Variants in EIF3M observed in about 807,000 individuals in gnomAD.
EIF3M encodes eukaryotic translation initiation factor 3 subunit M.
A neutral mutation model predicts 49.7 loss-of-function variants in EIF3M; 25 were observed. The observed-to-expected ratio is 0.50, with a 90% CI of 0.37 to 0.70. The LOEUF is 0.70. Among genes scored for constraint, EIF3M ranks in the 30% least tolerant of loss-of-function variants. The probability of loss-of-function intolerance (pLI) is 0.00; values close to 1 mark genes in which losing one functional copy is unlikely to be tolerated. For synonymous variants in EIF3M, 156 were observed against 149.8 expected, an observed-to-expected ratio of 1.04 and a Z score of -0.30; for missense variants, 350 against 440.0, an observed-to-expected ratio of 0.80 and a Z score of 1.83.
At chr11:32,600,922 T>C in intron 9 of EIF3M, 90 bp downstream of exon 9, 1 of 1,472,764 alleles carries the variant, frequency 6.8e-7, no homozygotes, top group South Asian at 1.5e-5. Context: ...AACTGAGCCT[T>C]ACACAACAAA....
intron 9 of EIF3M, chr11:32,601,244 T>TC (rs1396753893): frequency 6.4e-6 from 1 of 155,696 alleles, no homozygotes; most frequent in African/African-American, 2.4e-5. Flanking sequence ...CCATTACCAG[T>TC]TTTTTTATGA....
At chr11:32,588,801 GCA>G in intron 3 of EIF3M, 69 bp downstream of exon 3, 1 of 1,597,460 alleles carries the variant, frequency 6.3e-7, no homozygotes, top group Non-Finnish European at 8.5e-7. Context: ...TTTTAATGGT[GCA>G]GAGCAGGAAT....
chr11:32,592,308 A>C, intron 5 of EIF3M: 1 of 530,820 alleles, frequency 1.9e-6, no homozygotes, highest in Non-Finnish European at 3.6e-6. Context: ...CAATTTTATC[A>C]TGATCATCAA....
At chr11:32,588,484 G>T in intron 2 of EIF3M, 110 bp from the exon 3 acceptor site, 1 of 1,256,130 alleles carries the variant, frequency 8.0e-7, no homozygotes, top group South Asian at 2.1e-5. Context: ...ATGCGAAAGT[G>T]TCTTACATTT....
chr11:32,600,561 A>T, intron 8 of EIF3M, 128 bp from the exon 9 acceptor site: 1 of 1,141,778 alleles, frequency 8.8e-7, no homozygotes, highest in Non-Finnish European at 1.2e-6. Flanking sequence ...TGTTCTATAT[A>T]AGTGCTCAAA....
intron 4 of EIF3M, 92 bp downstream of exon 4, chr11:32,589,227 A>G: frequency 1.3e-6 from 2 of 1,540,000 alleles, no homozygotes; most frequent in Non-Finnish European, 1.7e-6. Flanking sequence ...CCCAGGCTGG[A>G]GTGCAATGGC....
Position 32,601,813 on chromosome 11 carries a change from T to TA in EIF3M, c.996dup (p.Val333SerfsTer5). ...AAAATTGATCAGACCCAGAGAAAAG[T>TA]AGTTGTCAGGTAAGATATTTAATGC... is the stretch of plus-strand genomic sequence containing the variant. On this transcript the variant is annotated frameshift_variant, in exon 10 of 11. Coordinates refer to ENST00000531120, the MANE Select transcript of EIF3M (RefSeq NM_006360.6). LOFTEE classifies it high-confidence loss of function. The TA allele has an allele frequency of 6.2e-7, 1 of 1,612,606 alleles. No individual in the cohort carries two copies. Among genetic ancestry groups the TA allele is most frequent in the Non-Finnish European group, 8.5e-7 (1 of 1,179,004 alleles).
chr11:32,595,017 A>T lies in EIF3M; in HGVS notation c.717+4A>T. 1 of 1,609,922 alleles carries T rather than the reference A, an allele frequency of 6.2e-7. No homozygotes were observed. Among genetic ancestry groups the T allele is most frequent in the Non-Finnish European group, 8.5e-7 (1 of 1,178,876 alleles). ...GGAAGGCGAGCTTATTCATGATGTA[A>T]GTAGTTTATCCTTTAATGTGAAAAA... On this transcript the variant is annotated splice_donor_region_variant and intron_variant, in intron 7 of 10. Coordinates refer to ENST00000531120, the MANE Select transcript of EIF3M (RefSeq NM_006360.6).
chr11:32,595,987 G>T lies in EIF3M; in HGVS notation c.739G>T (p.Ala247Ser). 1 of 1,572,464 alleles carries T rather than the reference G, an allele frequency of 6.4e-7. No individual in the cohort carries two copies. The highest frequency in any genetic ancestry group is 8.6e-7 in the Non-Finnish European group (1 of 1,167,182). ...IHDLLTIFVS[A>S]KLASYVKFYQ... is the part of the protein sequence containing the mutation. ...ATAGCTTTTAACCATTTTTGTGAGT[G>T]CTAAATTGGCATCATATGTCAAGTT... The change falls in exon 8 of 11, where the codon GCT becomes TCT. Residue 247 changes from alanine to serine, a missense_variant. By Grantham distance (99) the Ala-to-Ser change is moderately conservative. Transcript: ENST00000531120.
chr11:32,588,754 A>G lies in EIF3M; in HGVS notation c.314+22A>G, dbSNP rs752467349. On this transcript the variant is annotated intron_variant, in intron 3 of 10. Transcript: ENST00000531120. ...AGTTGTAAGTTAAGATCTGAAAGAA[A>G]CTCAGTTTTTCTAGGTGCTTTTTTC... 7 of 1,611,316 alleles carry G rather than the reference A, an allele frequency of 4.3e-6. No individual in the cohort carries two copies. The South Asian group carries it at 7.7e-5, about 18-fold the overall frequency.
chr11:32,584,090 T>C, intron 1 of EIF3M, 161 bp downstream of exon 1: 1 of 913,482 alleles, frequency 1.1e-6, no homozygotes, highest in Non-Finnish European at 1.6e-6. Context: ...GTTCCTGGCC[T>C]CGATTCGCAC....
chr11:32,590,630 G>A (rs990262226), intron 5 of EIF3M, among the ~76,000 whole-genome samples: 1 of 151,658 alleles, frequency 6.6e-6, no homozygotes, highest in Admixed American at 6.6e-5. Context: ...ACCCACAGTA[G>A]GGAACTGGAA....
chr11:32,601,853 T>C, intron 10 of EIF3M, 31 bp downstream of exon 10: 1 of 1,603,496 alleles, frequency 6.2e-7, no homozygotes, highest in South Asian at 1.1e-5. Flanking sequence ...CAGCATTTTA[T>C]AGAACGATTT....
intron 1 of EIF3M, among the ~76,000 whole-genome samples, chr11:32,584,463 C>A (rs142117230): frequency 0.057 from 8,692 of 152,034 alleles, 299 homozygotes; most frequent in African/African-American, 0.096. Flanking sequence ...AAAAAATTAC[C>A]CGGGCGCGGT....
In EIF3M at chr11:32,589,114, C is replaced by T; in HGVS notation, c.417C>T (p.Tyr139=). 1 of 1,614,170 alleles carries T rather than the reference C, an allele frequency of 6.2e-7. No individual in the cohort carries two copies. Among genetic ancestry groups the T allele is most frequent in the Non-Finnish European group, 8.5e-7 (1 of 1,180,026 alleles). The change falls in exon 4 of 11, where the codon TAC becomes TAT. Residue 139 remains tyrosine (Y), a synonymous_variant. Coordinates refer to ENST00000531120, the MANE Select transcript of EIF3M (RefSeq NM_006360.6). ...KVAASCGAIQ[Y]IPTELDQVRK... is the part of the protein sequence containing the mutation. The stretch of plus-strand genomic sequence containing the variant: ...CAGCATCTTGTGGGGCCATCCAGTA[C>T]ATCCCAACTGAGCTGGATCAAGTGA...
At chr11:32,598,577 AACATCAATTTAAAGTGTTTTTAGAT>A (rs1855214177) in intron 8 of EIF3M, among the ~76,000 whole-genome samples, 1 of 152,072 alleles carries the variant, frequency 6.6e-6, no homozygotes, top group Non-Finnish European at 1.5e-5. Flanking sequence ...TGTTACTTTA[AACATCAATTTAAAGTGTTTTTAGAT>A]GCAAGTTTTC....
chr11:32,585,935 A>C (rs746105138), intron 1 of EIF3M, among the ~76,000 whole-genome samples: 4 of 151,726 alleles, frequency 2.6e-5, no homozygotes, highest in Non-Finnish European at 5.9e-5. Flanking sequence ...TCATTTTATT[A>C]TCTTTAAAAC....
Position 32,604,736 on chromosome 11 carries a change from A to C in EIF3M, c.*2337A>C, listed in dbSNP as rs1855323226. 2 of 152,228 alleles carry C rather than the reference A, an allele frequency of 1.3e-5. No individual in the cohort carries two copies. The highest frequency in any genetic ancestry group is 4.8e-5 in the African/African-American group (2 of 41,460). The allele number at this position is 152,228 out of a possible 1,614,324, so 9.4% of individuals were successfully genotyped here. On this transcript the variant is annotated 3_prime_UTR_variant, in exon 11 of 11. Transcript: ENST00000531120. ...CTGCAGTGATTATCATTTGTTCATA[A>C]ATCTTTGTGAAGATCTTTGGGTACT...
At chr11:32,600,659 C>T in intron 8 of EIF3M, 30 bp from the exon 9 acceptor site, 1 of 1,574,228 alleles carries the variant, frequency 6.4e-7, no homozygotes, top group Non-Finnish European at 8.6e-7. Flanking sequence ...AGTATGAACA[C>T]TCATCAGGCT....
Sources: allele counts gnomAD v4.1 joint callset (sites outside exome capture counted in the v4.1 genomes callset), GRCh38; gene constraint gnomAD v4.1.1; transcripts MANE v1.5; gene names NCBI Gene and HGNC (gene_info 2026-07-23, HGNC 2026-07-21).